The following CSMD3 variants were observed in gnomAD, a reference collection of about 807,000 sequenced individuals.
The protein encoded by CSMD3 is CUB and sushi domain-containing protein 3.
CSMD3 carries 177 observed loss-of-function variants against 435.2 expected under a neutral mutation model. The ratio of observed to expected loss-of-function variants is 0.41; its 90% CI spans 0.36 to 0.46. CSMD3 has a LOEUF of 0.46. Among genes scored for constraint, CSMD3 ranks in the 20% least tolerant of loss-of-function variants. The pLI is 0.34. For missense variants in CSMD3, 4,265 were observed against 4,504.6 expected, an observed-to-expected ratio of 0.95 and a Z score of 1.52; for synonymous variants, 1,656 against 1,520.5, an observed-to-expected ratio of 1.09 and a Z score of -2.07.
intron 22 of CSMD3, among the ~76,000 whole-genome samples, chr8:112,596,881 A>T (rs1247143962): frequency 6.6e-6 from 1 of 151,922 alleles, no homozygotes; most frequent in Non-Finnish European, 1.5e-5. Context: ...GTAGAGGGAA[A>T]TTTATAGCAC....
At chr8:112,897,503 C>T (rs2130392576) in intron 10 of CSMD3, among the ~76,000 whole-genome samples, 1 of 151,296 alleles carries the variant, frequency 6.6e-6, no homozygotes, top group Admixed American at 6.6e-5. Context: ...TGATTACATT[C>T]CCTTACTGAT....
intron 4 of CSMD3, among the ~76,000 whole-genome samples, chr8:113,169,114 T>C (rs986429507): frequency 4.6e-5 from 7 of 152,126 alleles, no homozygotes; most frequent in Non-Finnish European, 1.0e-4. Flanking sequence ...ATCCAGAAAA[T>C]TGTTGATCAA....
chr8:113,365,441 G>T (rs1412843696), intron 1 of CSMD3, among the ~76,000 whole-genome samples: 1 of 152,006 alleles, frequency 6.6e-6, no homozygotes, highest in African/African-American at 2.4e-5. Flanking sequence ...ATCCTTTAGA[G>T]ACAGAGCTTT....
intron 2 of CSMD3, among the ~76,000 whole-genome samples, chr8:113,283,754 A>T (rs1042348367): frequency 2.0e-5 from 3 of 152,150 alleles, no homozygotes; most frequent in Non-Finnish European, 4.4e-5. Flanking sequence ...ATATCAAGTC[A>T]TTATTTGAAA....
At chr8:113,171,450 T>C (rs1419578018) in intron 4 of CSMD3, among the ~76,000 whole-genome samples, 2 of 152,120 alleles carry the variant, frequency 1.3e-5, no homozygotes, top group African/African-American at 4.8e-5. Context: ...GAATGCTCCA[T>C]TGAAATCTCT....
intron 32 of CSMD3, among the ~76,000 whole-genome samples, chr8:112,444,189 T>G (rs1421308567): frequency 6.6e-6 from 1 of 152,200 alleles, no homozygotes; most frequent in Non-Finnish European, 1.5e-5. Flanking sequence ...CCAAACAGAA[T>G]GGCTGAAATT....
At chr8:112,997,128 T>G (rs1413277161) in intron 6 of CSMD3, among the ~76,000 whole-genome samples, 1 of 151,584 alleles carries the variant, frequency 6.6e-6, no homozygotes, top group Non-Finnish European at 1.5e-5. Context: ...GAGAAAATAT[T>G]TGGCAAAGGG....
chr8:112,830,426 A>C (rs1228634289), intron 11 of CSMD3, among the ~76,000 whole-genome samples: 1 of 152,184 alleles, frequency 6.6e-6, no homozygotes, highest in Non-Finnish European at 1.5e-5. Context: ...ATTTCTTGCT[A>C]AAATATACTC....
At chr8:112,894,860 C>A (rs1209294735) in intron 10 of CSMD3, among the ~76,000 whole-genome samples, 5 of 149,006 alleles carry the variant, frequency 3.4e-5, no homozygotes, top group Non-Finnish European at 6.0e-5. Flanking sequence ...GAAAAAAAAA[C>A]ACACACACAA....
intron 5 of CSMD3, among the ~76,000 whole-genome samples, chr8:113,023,376 A>G (rs2086754901): frequency 6.6e-6 from 1 of 151,396 alleles, no homozygotes; most frequent in Non-Finnish European, 1.5e-5. Context: ...CAATTCTCCC[A>G]CTTTCCTCTA....
At chr8:112,334,023 A>T (rs1275087492) in intron 45 of CSMD3, among the ~76,000 whole-genome samples, 1 of 152,220 alleles carries the variant, frequency 6.6e-6, no homozygotes, top group Non-Finnish European at 1.5e-5. Flanking sequence ...GCCAGCATTA[A>T]TGATCAACTC....
intron 16 of CSMD3, among the ~76,000 whole-genome samples, chr8:112,674,914 T>C (rs1259855890): frequency 6.6e-6 from 1 of 152,094 alleles, no homozygotes; most frequent in East Asian, 1.9e-4. Flanking sequence ...TATAGATAGA[T>C]GAATGATAGA....
chr8:113,001,503 C>T (rs2085863039), intron 6 of CSMD3, among the ~76,000 whole-genome samples: 1 of 152,110 alleles, frequency 6.6e-6, no homozygotes, highest in Non-Finnish European at 1.5e-5. Flanking sequence ...TCAGCTTTTA[C>T]ACCACTTCAT....
rs1387216889 is a variant in CSMD3, at chr8:112,494,425, C to CTCTT, written c.5084-1746_5084-1743dup. Among the ~76,000 whole-genome samples the CTCTT allele has an allele frequency of 4.7e-5, 7 of 149,322 alleles. No individual in the cohort carries two copies. In the South Asian group the frequency reaches 1.5e-3, roughly 32 times the overall value. ...CTTTTCTTTTCTTTTCTTTCTTTCT[C>CTCTT]TCTTTCTTTCTTTGTTTTCTTTTGT... is the stretch of plus-strand genomic sequence containing the variant. On this transcript the variant is annotated intron_variant, in intron 30 of 70. Coordinates refer to ENST00000297405, the MANE Select transcript of CSMD3 (RefSeq NM_198123.2).
rs529447269 is a variant in CSMD3, at chr8:112,282,386, A to G, written c.9332-1036T>C. Among the ~76,000 whole-genome samples, 12 of 152,216 alleles carry G rather than the reference A, an allele frequency of 7.9e-5. No individual in the cohort carries two copies. The South Asian group carries it at 2.5e-3, about 32-fold the overall frequency. ...AGACATTTTTACTTTGTTGTTAAGC[A>G]TGATTACTTTCTTCTAAATGCATTA... On this transcript the variant is annotated intron_variant, in intron 58 of 70. Transcript: ENST00000297405.
At chr8:113,065,903 C>G (rs964647537) in intron 5 of CSMD3, among the ~76,000 whole-genome samples, 8 of 151,790 alleles carry the variant, frequency 5.3e-5, no homozygotes, top group African/African-American at 1.9e-4. Context: ...GGTGTATGTT[C>G]TACAGTATAC....
At chr8:113,076,883 C>A (rs999130646) in intron 5 of CSMD3, among the ~76,000 whole-genome samples, 1 of 152,184 alleles carries the variant, frequency 6.6e-6, no homozygotes, top group African/African-American at 2.4e-5. Context: ...AGTAATAATT[C>A]ATCATATTAT....
chr8:113,084,326 TAAGTC>T (rs2089674950), intron 5 of CSMD3, among the ~76,000 whole-genome samples: 1 of 151,812 alleles, frequency 6.6e-6, no homozygotes, highest in African/African-American at 2.4e-5. Flanking sequence ...TAGTTAAAAA[TAAGTC>T]AAGAAAGAAA....
chr8:113,134,360 T>A (rs2091360406), intron 4 of CSMD3, among the ~76,000 whole-genome samples: 1 of 152,054 alleles, frequency 6.6e-6, no homozygotes, highest in African/African-American at 2.4e-5. Flanking sequence ...TGCTCTATGA[T>A]GACCCAATGT....
Sources: gnomAD v4.1 joint callset for allele counts (sites outside exome capture counted in the v4.1 genomes callset) on GRCh38, gnomAD v4.1.1 for gene constraint, MANE v1.5 for transcripts, NCBI Gene and HGNC (gene_info 2026-07-23, HGNC 2026-07-21) for gene names.